TPST1: variants seen among roughly 807,000 people sequenced by gnomAD.
TPST1 encodes protein-tyrosine sulfotransferase 1.
A neutral mutation model predicts 34.8 loss-of-function variants in TPST1; 20 were observed. The observed-to-expected ratio is 0.57, with a 90% CI of 0.40 to 0.84. The LOEUF (loss-of-function observed/expected upper bound fraction) is 0.84, where lower values mean the gene tolerates loss of function less well. Ranked by LOEUF, TPST1 falls within the 40% of genes least tolerant of loss-of-function variation. TPST1 has a pLI of 0.00. For synonymous variants in TPST1, 152 were observed against 159.4 expected (o/e 0.95, Z 0.35); for missense variants, 353 against 455.5 (o/e 0.78, Z 2.05).
At chr7:66,301,591 C>A (rs1380290548) in intron 3 of TPST1, among the ~76,000 whole-genome samples, 1 of 152,064 alleles carries the variant, frequency 6.6e-6, no homozygotes, top group African/African-American at 2.4e-5. Context: ...CACTTAGAGC[C>A]CATTGTTGGA....
At chr7:66,315,282 AG>A (rs76659978) in intron 3 of TPST1, among the ~76,000 whole-genome samples, 5,520 of 152,332 alleles carry the variant, frequency 0.036, 155 homozygotes, top group East Asian at 0.079. Context: ...AGGCAAAGGG[AG>A]GGCACATGGT....
intron 3 of TPST1, among the ~76,000 whole-genome samples, chr7:66,341,548 G>T (rs1406001074): frequency 2.0e-5 from 3 of 152,112 alleles, no homozygotes; most frequent in Admixed American, 6.6e-5. Flanking sequence ...CAAAGTGCTG[G>T]GATTCCAGGT....
chr7:66,244,233 G>A (rs1018880693), intron 2 of TPST1, among the ~76,000 whole-genome samples: 5 of 152,088 alleles, frequency 3.3e-5, no homozygotes, highest in Admixed American at 6.6e-5. Flanking sequence ...GATTACAGGC[G>A]TGAGCCACCG....
rs369282443 is a variant in TPST1 at position 66,329,398 on chromosome 7, A to T, written c.1045-23107A>T. 5.3e-5 allele frequency among the ~76,000 whole-genome samples: 8 copies of T among 152,108 alleles called. 1 individual carries two copies. In the East Asian group the frequency reaches 5.8e-4, roughly 11 times the overall value. On this transcript the variant is annotated intron_variant, in intron 3 of 5. Coordinates refer to ENST00000304842, the MANE Select transcript of TPST1 (RefSeq NM_003596.4). ...GTTAAAATTTTGCCATATTTGCTTTATCTTCTCTGTGCATATGTATACTCA... is the reference window on the plus strand; with the variant it reads ...GTTAAAATTTTGCCATATTTGCTTTTTCTTCTCTGTGCATATGTATACTCA...
intron 3 of TPST1, among the ~76,000 whole-genome samples, chr7:66,303,407 A>G (rs1791358425): frequency 6.6e-6 from 1 of 151,964 alleles, no homozygotes; most frequent in Non-Finnish European, 1.5e-5. Context: ...GTATGTATGT[A>G]TGTATGTATT....
chr7:66,357,315 C>T (rs1792601165), intron 5 of TPST1, among the ~76,000 whole-genome samples: 1 of 152,188 alleles, frequency 6.6e-6, no homozygotes, highest in Non-Finnish European at 1.5e-5. Context: ...CTGTTTACTT[C>T]TGGTTACCTG....
At chr7:66,209,139 G>C (rs1299906687) in intron 1 of TPST1, among the ~76,000 whole-genome samples, 2 of 152,128 alleles carry the variant, frequency 1.3e-5, no homozygotes, top group African/African-American at 4.8e-5. Context: ...CGGGCGTGGT[G>C]GTGGGCGCCT....
upstream of TPST1, among the ~76,000 whole-genome samples, chr7:66,204,115 T>G (rs552605455): frequency 1.3e-5 from 2 of 151,630 alleles, no homozygotes; most frequent in East Asian, 3.9e-4. Context: ...AGGTGGAGGT[T>G]GCAGTGAGCC....
chr7:66,338,551 A>G lies in TPST1; in HGVS notation c.1045-13954A>G, dbSNP rs953622440. On this transcript the variant is annotated intron_variant, in intron 3 of 5. Transcript: ENST00000304842. The stretch of plus-strand genomic sequence containing the variant: ...CATTTTTCTCAACAGCACATGGAAT[A>G]TTCTCCAGGATTGATCATACATTAG... Among the ~76,000 whole-genome samples, 58 of 152,338 alleles carry G rather than the reference A, an allele frequency of 3.8e-4. No individual in the cohort carries two copies. The Middle Eastern group carries it at 0.01, about 27-fold the overall frequency.
chr7:66,231,549 G>A (rs1789793405), intron 1 of TPST1, among the ~76,000 whole-genome samples: 1 of 152,242 alleles, frequency 6.6e-6, no homozygotes, highest in African/African-American at 2.4e-5. Context: ...ACTGCTGGGG[G>A]ACCCAGTACA....
intron 1 of TPST1, among the ~76,000 whole-genome samples, chr7:66,226,560 TG>T (rs1383757084): frequency 6.6e-6 from 1 of 152,226 alleles, no homozygotes; most frequent in Non-Finnish European, 1.5e-5. Context: ...AAAATCCCTT[TG>T]TTTTCCCTTT....
intron 2 of TPST1, among the ~76,000 whole-genome samples, chr7:66,256,931 G>C (rs753761377): frequency 6.6e-6 from 1 of 152,082 alleles, no homozygotes; most frequent in African/African-American, 2.4e-5. Context: ...CCAGTTGTGA[G>C]TGAGGCTTAT....
the TPST1 span, among the ~76,000 whole-genome samples, chr7:66,199,214 A>G: frequency 1.1e-4 from 17 of 150,866 alleles, no homozygotes; most frequent in African/African-American, 4.2e-4. Context: ...GCCATTCATT[A>G]CCTGTCCATC....
At chr7:66,359,830 C>A in intron 5 of TPST1, 65 bp from the exon 6 acceptor site, 1 of 453,778 alleles carries the variant, frequency 2.2e-6, no homozygotes, top group Non-Finnish European at 4.5e-6. Flanking sequence ...AAGGAAGAGA[C>A]GAAGACACAG....
At chr7:66,226,507 C>T (rs1236604268) in intron 1 of TPST1, among the ~76,000 whole-genome samples, 1 of 152,144 alleles carries the variant, frequency 6.6e-6, no homozygotes, top group African/African-American at 2.4e-5. Context: ...AATTAGGCTT[C>T]ACAAGCGTAA....
chr7:66,317,203 A>AAAGAT (rs1791651289), intron 3 of TPST1, among the ~76,000 whole-genome samples: 1 of 152,214 alleles, frequency 6.6e-6, no homozygotes. Flanking sequence ...CTGTATCTTT[A>AAAGAT]GTTATATGTA....
At chr7:66,248,415 A>G (rs1419707918) in intron 2 of TPST1, among the ~76,000 whole-genome samples, 1 of 152,218 alleles carries the variant, frequency 6.6e-6, no homozygotes, top group Non-Finnish European at 1.5e-5. Context: ...TTTTGTTTTT[A>G]AAAGAAAAAC....
At chr7:66,203,686 C>G (rs537451830), upstream of TPST1, among the ~76,000 whole-genome samples, 5 of 151,646 alleles carry the variant, frequency 3.3e-5, no homozygotes, top group South Asian at 2.1e-4. Context: ...GGGGTTTCAC[C>G]GTGTTAACCA....
chr7:66,335,326 C>T (rs560993600), intron 3 of TPST1, among the ~76,000 whole-genome samples: 1 of 152,104 alleles, frequency 6.6e-6, no homozygotes, highest in East Asian at 1.9e-4. Context: ...TGTGGTGGTA[C>T]GTGCCTGTAA....
Sources: allele counts gnomAD v4.1 joint callset (sites outside exome capture counted in the v4.1 genomes callset), GRCh38; gene constraint gnomAD v4.1.1; transcripts MANE v1.5; gene names NCBI Gene and HGNC (gene_info 2026-07-23, HGNC 2026-07-21).